The following TRHDE variants were observed in gnomAD, a reference collection of about 807,000 sequenced individuals.
TRHDE encodes thyrotropin-releasing hormone-degrading ectoenzyme.
In TRHDE, 72 loss-of-function variants were observed where a neutral mutation model predicts 125.7. That is an observed-to-expected ratio of 0.57 (90% confidence interval 0.47 to 0.70). The LOEUF (loss-of-function observed/expected upper bound fraction) is 0.70, where lower values mean the gene tolerates loss of function less well. Ranked by LOEUF, TRHDE falls within the 30% of genes least tolerant of loss-of-function variation. The pLI is 0.00. For missense variants in TRHDE, 1,110 were observed against 1,327.1 expected, an observed-to-expected ratio of 0.84 and a Z score of 2.54; for synonymous variants, 509 against 509.1, an observed-to-expected ratio of 1.00 and a Z score of 0.00.
At chr12:72,402,790 A>C (rs1592419624) in intron 3 of TRHDE, among the ~76,000 whole-genome samples, 2 of 152,090 alleles carry the variant, frequency 1.3e-5, no homozygotes. Context: ...TCTGTAGGGC[A>C]CAACTTTTTT....
At chr12:72,298,049 T>C (rs1033014078) in intron 2 of TRHDE, among the ~76,000 whole-genome samples, 3 of 152,220 alleles carry the variant, frequency 2.0e-5, no homozygotes, top group Non-Finnish European at 2.9e-5. Flanking sequence ...GATTCAGTGA[T>C]GAACAATAAT....
chr12:72,504,211 A>G (rs994542753), intron 6 of TRHDE, among the ~76,000 whole-genome samples: 1 of 152,172 alleles, frequency 6.6e-6, no homozygotes, highest in Non-Finnish European at 1.5e-5. Context: ...AGAGTTAAAC[A>G]TGATCATAGC....
intron 2 of TRHDE, among the ~76,000 whole-genome samples, chr12:72,184,995 G>C (rs1877172731): frequency 2.0e-5 from 3 of 152,194 alleles, no homozygotes; most frequent in Admixed American, 2.0e-4. Flanking sequence ...TTCTGGGCTG[G>C]CCAAGGCTGG....
At chr12:72,292,135 C>T (rs1449956033) in intron 2 of TRHDE, among the ~76,000 whole-genome samples, 4 of 152,182 alleles carry the variant, frequency 2.6e-5, no homozygotes, top group Admixed American at 2.6e-4. Context: ...TTTTATTTAA[C>T]AGGCTTTATG....
At chr12:72,279,043 C>T (rs4584622) in intron 1 of TRHDE, among the ~76,000 whole-genome samples, 104,856 of 152,090 alleles carry the variant, frequency 0.69, 36,225 homozygotes, top group East Asian at 0.83. Context: ...CTATCTGCTT[C>T]GGATCCCTTT....
chr12:72,212,353 A>G (rs1877800217), intron 2 of TRHDE, among the ~76,000 whole-genome samples: 1 of 147,292 alleles, frequency 6.8e-6, no homozygotes, highest in Admixed American at 6.7e-5. Context: ...CAACCAAAGG[A>G]AAAAAAAAAG....
chr12:72,426,465 C>T (rs1874187551), intron 3 of TRHDE, among the ~76,000 whole-genome samples: 1 of 151,950 alleles, frequency 6.6e-6, no homozygotes, highest in East Asian at 1.9e-4. Flanking sequence ...TCACATTGTG[C>T]CAGACTCTTT....
chr12:72,291,369 A>G (rs1469492606), intron 2 of TRHDE, among the ~76,000 whole-genome samples: 1 of 152,226 alleles, frequency 6.6e-6, no homozygotes, highest in Non-Finnish European at 1.5e-5. Context: ...AACTGGGCAC[A>G]TGTTACCAGT....
intron 2 of TRHDE, among the ~76,000 whole-genome samples, chr12:72,229,717 CTATT>C (rs1171702106): frequency 6.6e-6 from 1 of 152,094 alleles, no homozygotes; most frequent in Non-Finnish European, 1.5e-5. Context: ...ATTAGCTTAA[CTATT>C]TATACCGATA....
intron 2 of TRHDE, among the ~76,000 whole-genome samples, chr12:72,315,696 A>G (rs12423761): frequency 0.31 from 46,441 of 151,874 alleles, 7,283 homozygotes; most frequent in African/African-American, 0.38. Flanking sequence ...GGCTGCCAGG[A>G]CGCCTGGGTG....
At chr12:72,487,157 T>C (rs79369638) in intron 5 of TRHDE, among the ~76,000 whole-genome samples, 1 of 151,664 alleles carries the variant, frequency 6.6e-6, no homozygotes, top group Non-Finnish European at 1.5e-5. Flanking sequence ...TAGGACACCA[T>C]TAAGTAAAGA....
intron 3 of TRHDE, among the ~76,000 whole-genome samples, chr12:72,468,788 C>T (rs1280124642): frequency 6.6e-6 from 1 of 152,210 alleles, no homozygotes; most frequent in Admixed American, 6.5e-5. Context: ...GGAGCCAGTG[C>T]CCAGCAGGCC....
chr12:72,596,965 A>G (rs1245124972), intron 12 of TRHDE, among the ~76,000 whole-genome samples: 2 of 152,228 alleles, frequency 1.3e-5, no homozygotes, highest in African/African-American at 4.8e-5. Flanking sequence ...ACATGCTCAG[A>G]TTTTAAATCT....
intron 2 of TRHDE, among the ~76,000 whole-genome samples, chr12:72,338,564 C>G (rs115559626): frequency 2.0e-3 from 306 of 152,256 alleles, no homozygotes; most frequent in African/African-American, 7.1e-3. Flanking sequence ...CATTATATGA[C>G]TTTGCCCACG....
intron 2 of TRHDE, among the ~76,000 whole-genome samples, chr12:72,118,658 A>G (rs534663957): frequency 2.0e-5 from 3 of 152,258 alleles, no homozygotes; most frequent in African/African-American, 7.2e-5. Context: ...GGTAAAATCC[A>G]TCAGTGGAGG....
At chr12:72,599,670 G>A (rs1236986493) in intron 12 of TRHDE, among the ~76,000 whole-genome samples, 1 of 151,996 alleles carries the variant, frequency 6.6e-6, no homozygotes, top group Non-Finnish European at 1.5e-5. Context: ...TAGTTTGTCT[G>A]TCTACTCCGT....
chr12:72,413,627 A>T (rs767198843), intron 3 of TRHDE, among the ~76,000 whole-genome samples: 5 of 151,986 alleles, frequency 3.3e-5, no homozygotes, highest in Non-Finnish European at 7.4e-5. Context: ...TATTTTATAG[A>T]TAAAAACGAG....
chr12:72,387,582 G>C (rs1370107856), intron 3 of TRHDE, among the ~76,000 whole-genome samples: 4 of 152,072 alleles, frequency 2.6e-5, no homozygotes, highest in African/African-American at 9.7e-5. Context: ...CATTTCAATG[G>C]CTTCCCATTA....
intron 2 of TRHDE, among the ~76,000 whole-genome samples, chr12:72,162,032 G>A (rs1876648833): frequency 3.3e-5 from 5 of 152,182 alleles, no homozygotes; most frequent in Admixed American, 2.6e-4. Flanking sequence ...ATGGCACTTA[G>A]TAAATTTTCC....
Sources: allele counts gnomAD v4.1 joint callset (sites outside exome capture counted in the v4.1 genomes callset), GRCh38; gene constraint gnomAD v4.1.1; transcripts MANE v1.5; gene names NCBI Gene and HGNC (gene_info 2026-07-23, HGNC 2026-07-21).